ST18: variants seen among roughly 807,000 people sequenced by gnomAD.
The protein encoded by ST18 is suppression of tumorigenicity 18 protein.
ST18 carries 50 observed loss-of-function variants against 110.0 expected under a neutral mutation model. The ratio of observed to expected loss-of-function variants is 0.45; its 90% CI spans 0.36 to 0.58. The LOEUF is 0.58. ST18 is among the 20% of genes least tolerant of loss of function. The pLI is 0.00. For synonymous variants in ST18, 461 were observed against 452.4 expected, an observed-to-expected ratio of 1.02 and a Z score of -0.24; for missense variants, 1,306 against 1,280.1, an observed-to-expected ratio of 1.02 and a Z score of -0.31.
At chr8:52,402,442 G>C (rs1212733934) in intron 2 of ST18, among the ~76,000 whole-genome samples, 1 of 152,076 alleles carries the variant, frequency 6.6e-6, no homozygotes, top group Non-Finnish European at 1.5e-5. Flanking sequence ...CAGTAGCTTG[G>C]GCCCAGGGTT....
intron 14 of ST18, among the ~76,000 whole-genome samples, chr8:52,160,366 A>T (rs2061112774): frequency 6.6e-6 from 1 of 152,220 alleles, no homozygotes; most frequent in Non-Finnish European, 1.5e-5. Flanking sequence ...TCTCCCTGAT[A>T]GGCAAATTCC....
intron 2 of ST18, among the ~76,000 whole-genome samples, chr8:52,318,270 A>G (rs2096064627): frequency 6.6e-6 from 1 of 152,216 alleles, no homozygotes; most frequent in Admixed American, 6.5e-5. Context: ...AAACGAAGAC[A>G]TACATGCACC....
At chr8:52,392,626 C>G (rs1216551136) in intron 2 of ST18, among the ~76,000 whole-genome samples, 1 of 152,124 alleles carries the variant, frequency 6.6e-6, no homozygotes, top group Non-Finnish European at 1.5e-5. Context: ...GCAATGAAAG[C>G]ACAGATTTAT....
intron 8 of ST18, among the ~76,000 whole-genome samples, chr8:52,185,269 T>C (rs940066762): frequency 6.6e-6 from 1 of 152,150 alleles, no homozygotes. Flanking sequence ...GTGAGAAAGC[T>C]AGTGAAGGCC....
Position 52,146,796 on chromosome 8 carries a change from G to A in ST18, c.2052+2936C>T, listed in dbSNP as rs746597848. Among the ~76,000 whole-genome samples the A allele has an allele frequency of 3.3e-5, 5 of 152,286 alleles. No individual in the cohort carries two copies. In the East Asian group the frequency reaches 5.8e-4, roughly 18 times the overall value. On this transcript the variant is annotated intron_variant, in intron 16 of 25. Transcript: ENST00000689386. ...TACTGTTAGTAGATTACCTTGGCAC[G>A]GATGAAGGAACAGAGAACAAGAGTG... is the stretch of plus-strand genomic sequence containing the variant.
intron 2 of ST18, among the ~76,000 whole-genome samples, chr8:52,353,194 A>C (rs1023955283): frequency 6.6e-5 from 10 of 152,232 alleles, no homozygotes; most frequent in African/African-American, 2.2e-4. Context: ...GAGAATTCTT[A>C]ATAATAATAA....
At chr8:52,226,702 T>C (rs2089564558) in intron 3 of ST18, among the ~76,000 whole-genome samples, 1 of 152,224 alleles carries the variant, frequency 6.6e-6, no homozygotes, top group African/African-American at 2.4e-5. Flanking sequence ...GTGTTGCAAC[T>C]AAATGTGCTA....
intron 25 of ST18, among the ~76,000 whole-genome samples, chr8:52,114,721 C>T (rs533351046): frequency 1.3e-5 from 2 of 152,250 alleles, no homozygotes; most frequent in East Asian, 1.9e-4. Flanking sequence ...TCTGCAGGGC[C>T]GGGCCCACTT....
At chr8:52,292,554 A>T (rs1178830931) in intron 2 of ST18, among the ~76,000 whole-genome samples, 1 of 152,218 alleles carries the variant, frequency 6.6e-6, no homozygotes, top group Non-Finnish European at 1.5e-5. Flanking sequence ...GAATCTTTAC[A>T]TTCTGAACTC....
chr8:52,385,544 G>C (rs1422235246), intron 2 of ST18, among the ~76,000 whole-genome samples: 1 of 149,682 alleles, frequency 6.7e-6, no homozygotes, highest in Non-Finnish European at 1.5e-5. Flanking sequence ...AGGTTGCAGT[G>C]AGCCAAGATC....
intron 22 of ST18, among the ~76,000 whole-genome samples, chr8:52,127,996 G>A (rs2047759087): frequency 6.6e-6 from 1 of 151,366 alleles, no homozygotes; most frequent in Non-Finnish European, 1.5e-5. Flanking sequence ...TTGAGGCGGG[G>A]TCTCACCAAG....
chr8:52,193,597 G>A (rs539564481), intron 8 of ST18, among the ~76,000 whole-genome samples: 21 of 145,596 alleles, frequency 1.4e-4, no homozygotes, highest in South Asian at 8.6e-4. Flanking sequence ...GCTGTGCTGC[G>A]TGATACACAA....
At chr8:52,204,997 T>C (rs1025522213) in intron 8 of ST18, among the ~76,000 whole-genome samples, 1 of 152,102 alleles carries the variant, frequency 6.6e-6, no homozygotes, top group African/African-American at 2.4e-5. Flanking sequence ...AGCTCCGTAG[T>C]ATTTTTCTAA....
intron 2 of ST18, among the ~76,000 whole-genome samples, chr8:52,371,980 G>A (rs778973881): frequency 1.3e-5 from 2 of 152,078 alleles, no homozygotes; most frequent in African/African-American, 4.8e-5. Flanking sequence ...TACTCCTTCT[G>A]CTTATTTAAA....
chr8:52,297,188 G>A (rs1213275565), intron 2 of ST18, among the ~76,000 whole-genome samples: 2 of 152,274 alleles, frequency 1.3e-5, no homozygotes, highest in East Asian at 1.9e-4. Context: ...GCTGTGGGGG[G>A]TGCAGTCCGC....
intron 2 of ST18, among the ~76,000 whole-genome samples, chr8:52,231,441 C>G (rs1339122679): frequency 6.6e-6 from 1 of 151,778 alleles, no homozygotes; most frequent in Non-Finnish European, 1.5e-5. Flanking sequence ...TATGTTGTAA[C>G]AGTGGCTCTC....
intron 17 of ST18, among the ~76,000 whole-genome samples, chr8:52,139,679 C>G (rs545188498): frequency 6.8e-6 from 1 of 147,716 alleles, no homozygotes; most frequent in African/African-American, 2.5e-5. Context: ...TAAATTACTC[C>G]GATTAATATT....
rs529303400 is a variant in ST18, at chr8:52,310,246, G to A, written c.-464-80169C>T. 7.2e-5 allele frequency among the ~76,000 whole-genome samples: 11 copies of A among 152,288 alleles called. No individual in the cohort carries two copies. The South Asian group carries it at 2.3e-3, about 32-fold the overall frequency. ...GTTGCTACAGCTGTCATCAGTGTTAGCAGCAGATAGGTAAAGCATCCAAAG... is the reference window on the plus strand; with the variant it reads ...GTTGCTACAGCTGTCATCAGTGTTAACAGCAGATAGGTAAAGCATCCAAAG... On this transcript the variant is annotated intron_variant, in intron 2 of 25. Transcript: ENST00000689386.
At chr8:52,127,120 G>C (rs972698669) in intron 22 of ST18, among the ~76,000 whole-genome samples, 1 of 151,996 alleles carries the variant, frequency 6.6e-6, no homozygotes, top group African/African-American at 2.4e-5. Context: ...CTGAAGCTTG[G>C]GACATTTGGC....
Sources: gnomAD v4.1 joint callset for allele counts (sites outside exome capture counted in the v4.1 genomes callset) on GRCh38, gnomAD v4.1.1 for gene constraint, MANE v1.5 for transcripts, NCBI Gene and HGNC (gene_info 2026-07-23, HGNC 2026-07-21) for gene names.